TCF4: variants seen among roughly 807,000 people sequenced by gnomAD.
The protein encoded by TCF4 is transcription factor 4.
In TCF4, 3 loss-of-function variants were observed where a neutral mutation model predicts 82.1. The observed-to-expected ratio is 0.04, with a 90% CI of 0.02 to 0.09. TCF4 has a LOEUF of 0.09. Among genes scored for constraint, TCF4 ranks in the 10% least tolerant of loss-of-function variants. TCF4 has a pLI of 1.00. For synonymous variants in TCF4, 276 were observed against 309.6 expected (o/e 0.89, Z 1.14); for missense variants, 518 against 852.7 (o/e 0.61, Z 4.89).
At chr18:55,402,316 C>T (rs533271407) in intron 6 of TCF4, 14 of 786,384 alleles carry the variant, frequency 1.8e-5, no homozygotes, top group African/African-American at 1.5e-4. Flanking sequence ...ATGTCTGGTA[C>T]GTAAAGGAAA....
intron 3 of TCF4, among the ~76,000 whole-genome samples, chr18:55,574,433 TCCTG>T (rs2097507687): frequency 6.6e-6 from 1 of 152,196 alleles, no homozygotes; most frequent in African/African-American, 2.4e-5. Context: ...CAAGCCATTC[TCCTG>T]CCTCAGCCTC....
intron 6 of TCF4, among the ~76,000 whole-genome samples, chr18:55,382,289 T>C (rs560421689): frequency 6.6e-6 from 1 of 152,088 alleles, no homozygotes; most frequent in South Asian, 2.1e-4. Flanking sequence ...TTAGTCAGCA[T>C]TGAAACAAAG....
chr18:55,570,816 A>G (rs752582185), intron 3 of TCF4, among the ~76,000 whole-genome samples: 17 of 150,902 alleles, frequency 1.1e-4, no homozygotes, highest in Non-Finnish European at 2.2e-4. Flanking sequence ...GAAAGTCGAG[A>G]CCAGACAGTG....
intron 3 of TCF4, among the ~76,000 whole-genome samples, chr18:55,505,520 C>G (rs1331250762): frequency 6.6e-6 from 1 of 152,012 alleles, no homozygotes; most frequent in African/African-American, 2.4e-5. Context: ...AAAATAGCAA[C>G]CGGGCCGGGC....
intron 6 of TCF4, chr18:55,384,105 G>T (rs535643024): frequency 6.6e-6 from 1 of 152,332 alleles, no homozygotes; most frequent in Admixed American, 6.5e-5. Flanking sequence ...TGGTCAACGG[G>T]TTAATATTCT....
intron 6 of TCF4, among the ~76,000 whole-genome samples, chr18:55,386,716 T>C (rs992613182): frequency 2.0e-5 from 3 of 152,228 alleles, no homozygotes; most frequent in Non-Finnish European, 4.4e-5. Flanking sequence ...CACAGCCTCA[T>C]AGCAGAGATA....
At chr18:55,241,940 G>A (rs1371439745) in intron 15 of TCF4, among the ~76,000 whole-genome samples, 1 of 152,090 alleles carries the variant, frequency 6.6e-6, no homozygotes, top group African/African-American at 2.4e-5. Flanking sequence ...TAGACTCCCA[G>A]GACCAATGCA....
At chr18:55,365,395 G>T (rs951745591) in intron 6 of TCF4, among the ~76,000 whole-genome samples, 1 of 151,356 alleles carries the variant, frequency 6.6e-6, no homozygotes, top group African/African-American at 2.4e-5. Context: ...TCTTGTAGAA[G>T]CACTGGATAA....
chr18:55,385,139 G>A (rs553554298), intron 6 of TCF4, among the ~76,000 whole-genome samples: 2 of 152,210 alleles, frequency 1.3e-5, no homozygotes, highest in South Asian at 2.1e-4. Flanking sequence ...AAAACAAGGG[G>A]TGGCAGGGGG....
intron 3 of TCF4, among the ~76,000 whole-genome samples, chr18:55,490,681 G>A (rs954744737): frequency 2.0e-5 from 3 of 151,794 alleles, no homozygotes; most frequent in South Asian, 2.1e-4. Context: ...GTTCAGGCAC[G>A]TTAGCAACCT....
intron 3 of TCF4, among the ~76,000 whole-genome samples, chr18:55,546,578 A>G (rs747059046): frequency 1.8e-4 from 27 of 152,270 alleles, no homozygotes; most frequent in Non-Finnish European, 4.4e-5. Flanking sequence ...TTGTATTTCT[A>G]TTTGTTTTTC....
At chr18:55,510,263 G>A (rs1026285967) in intron 3 of TCF4, among the ~76,000 whole-genome samples, 27 of 152,150 alleles carry the variant, frequency 1.8e-4, no homozygotes, top group Non-Finnish European at 4.4e-5. Context: ...GATCCAGAAT[G>A]GTTTCCATTC....
chr18:55,414,871 A>G (rs1185939130), intron 5 of TCF4, among the ~76,000 whole-genome samples: 3 of 152,246 alleles, frequency 2.0e-5, no homozygotes, highest in Non-Finnish European at 2.9e-5. Flanking sequence ...GCCAGTGAGC[A>G]CAGCTTAATT....
Position 55,257,962 on chromosome 18 carries a change from A to C in TCF4, c.1070-571T>G, listed in dbSNP as rs535094016. Among the ~76,000 whole-genome samples the C allele has an allele frequency of 2.6e-4, 40 of 152,320 alleles. No homozygotes were observed. In the South Asian group the frequency reaches 7.7e-3, roughly 29 times the overall value. On this transcript the variant is annotated intron_variant, in intron 13 of 19. Transcript: ENST00000354452. Reference sequence around the variant, plus strand: ...AAAATAATTTTTTTATGATTCATTAAACTTGAAGGTAAAAAAAGATTGCTG... The same window carrying C: ...AAAATAATTTTTTTATGATTCATTACACTTGAAGGTAAAAAAAGATTGCTG...
At chr18:55,339,952 T>G (rs1285170222) in intron 8 of TCF4, among the ~76,000 whole-genome samples, 1 of 152,144 alleles carries the variant, frequency 6.6e-6, no homozygotes, top group African/African-American at 2.4e-5. Context: ...CTAAACAAAC[T>G]GAACTCTGTT....
chr18:55,566,772 C>T (rs1427151360), intron 3 of TCF4, among the ~76,000 whole-genome samples: 2 of 151,968 alleles, frequency 1.3e-5, no homozygotes, highest in Non-Finnish European at 1.5e-5. Context: ...CACATGTAAT[C>T]GGAATCCCCA....
intron 2 of TCF4, among the ~76,000 whole-genome samples, chr18:55,606,629 T>C (rs771815897): frequency 1.6e-4 from 24 of 152,136 alleles, no homozygotes; most frequent in Non-Finnish European, 3.4e-4. Context: ...AAACAACAGG[T>C]AATATCTATA....
chr18:55,452,158 T>C (rs2095636430), intron 5 of TCF4, among the ~76,000 whole-genome samples: 1 of 152,182 alleles, frequency 6.6e-6, no homozygotes, highest in South Asian at 2.1e-4. Flanking sequence ...TCTGTTCCAA[T>C]GGGTCTGATT....
At chr18:55,561,590 C>T (rs1161837680) in intron 3 of TCF4, among the ~76,000 whole-genome samples, 1 of 152,096 alleles carries the variant, frequency 6.6e-6, no homozygotes, top group Non-Finnish European at 1.5e-5. Context: ...TTATACCCAT[C>T]CTGGTTCCAT....
Sources: gnomAD v4.1 joint callset for allele counts (sites outside exome capture counted in the v4.1 genomes callset) on GRCh38, gnomAD v4.1.1 for gene constraint, MANE v1.5 for transcripts, NCBI Gene and HGNC (gene_info 2026-07-23, HGNC 2026-07-21) for gene names.